The following NDST4 variants were observed in gnomAD, a reference collection of about 807,000 sequenced individuals.
NDST4 encodes N-heparan sulfate sulfotransferase 4.
A neutral mutation model predicts 100.8 loss-of-function variants in NDST4; 63 were observed. The ratio of observed to expected loss-of-function variants is 0.62; its 90% CI spans 0.51 to 0.77. NDST4 has a LOEUF of 0.77. Ranked by LOEUF, NDST4 falls within the 30% of genes least tolerant of loss-of-function variation. The probability of loss-of-function intolerance (pLI) is 0.00; values close to 1 mark genes in which losing one functional copy is unlikely to be tolerated. For synonymous variants in NDST4, 377 were observed against 361.8 expected, an observed-to-expected ratio of 1.04 and a Z score of -0.48; for missense variants, 943 against 1,018.4, an observed-to-expected ratio of 0.93 and a Z score of 1.01.
intron 6 of NDST4, among the ~76,000 whole-genome samples, chr4:114,908,704 G>C (rs1725002371): frequency 6.6e-6 from 1 of 152,150 alleles, no homozygotes; most frequent in African/African-American, 2.4e-5. Flanking sequence ...AAAAAATTGA[G>C]TAAAATCAAG....
At position 114,986,828 on chromosome 4, in the gene NDST4, A is replaced by ATT. The variant is rs1192536720; in HGVS notation, c.979-9555_979-9554insAA. ...TATATATATATATATATATATATATATATATTTTAATATACTATTCCTATA... is the reference window on the plus strand; with the variant it reads ...TATATATATATATATATATATATATATTTATATTTTAATATACTATTCCTATA... On this transcript the variant is annotated intron_variant, in intron 2 of 13. Transcript: ENST00000264363. Among the ~76,000 whole-genome samples, 339 of 112,850 alleles carry ATT rather than the reference A, an allele frequency of 3.0e-3. 9 individuals carry two copies. Among genetic ancestry groups the ATT allele is most frequent in the African/African-American group, 0.011 (316 of 28,094 alleles). The allele number at this position is 112,850 out of a possible 152,430, so 74.0% of individuals were successfully genotyped here. A position where few individuals can be genotyped will look rare whatever the true frequency, so the allele number is the denominator to read the frequency against.
At chr4:114,853,335 C>T (rs1159190624) in intron 7 of NDST4, among the ~76,000 whole-genome samples, 2 of 152,116 alleles carry the variant, frequency 1.3e-5, no homozygotes, top group Non-Finnish European at 2.9e-5. Flanking sequence ...AGTATCCAGC[C>T]TCTACCTCCC....
chr4:114,960,707 A>G (rs9998848), intron 4 of NDST4, among the ~76,000 whole-genome samples: 101,285 of 152,056 alleles, frequency 0.67, 33,799 homozygotes, highest in Non-Finnish European at 0.69. Flanking sequence ...GACTATAACA[A>G]GTGTAAATGC....
chr4:114,951,919 A>C (rs1486074136), intron 4 of NDST4, among the ~76,000 whole-genome samples: 1 of 152,164 alleles, frequency 6.6e-6, no homozygotes, highest in African/African-American at 2.4e-5. Context: ...GTTCTGAATA[A>C]GTGAAATAAT....
At chr4:114,983,503 T>G (rs1408739325) in intron 2 of NDST4, among the ~76,000 whole-genome samples, 2 of 152,220 alleles carry the variant, frequency 1.3e-5, no homozygotes, top group Non-Finnish European at 2.9e-5. Context: ...CCCCTTTTTT[T>G]TGGCCAAATT....
chr4:114,933,432 C>CTTTTTTTTTTTTT (rs367931653), intron 6 of NDST4, among the ~76,000 whole-genome samples: 1 of 89,276 alleles, frequency 1.1e-5, no homozygotes, highest in South Asian at 3.2e-4. Context: ...TTTTCTTTTC[C>CTTTTTTTTTTTTT]TTTTTTTTTT....
At chr4:114,886,131 T>C (rs1724472025) in intron 6 of NDST4, among the ~76,000 whole-genome samples, 1 of 152,124 alleles carries the variant, frequency 6.6e-6, no homozygotes, top group Admixed American at 6.6e-5. Context: ...TCTAATATAT[T>C]TATAATTTTT....
At chr4:114,985,466 A>G (rs745540045) in intron 2 of NDST4, among the ~76,000 whole-genome samples, 37 of 152,180 alleles carry the variant, frequency 2.4e-4, no homozygotes, top group Admixed American at 2.2e-3. Flanking sequence ...AGCTTTTACT[A>G]TGTGTTAGGT....
In NDST4 at chr4:114,893,553, G is replaced by C. The variant is rs138569422; in HGVS notation, c.1537-22603C>G. On this transcript the variant is annotated intron_variant, in intron 6 of 13. Transcript: ENST00000264363. The stretch of plus-strand genomic sequence containing the variant: ...CTGCATAAATGTCTTCTTTTGAGAA[G>C]TGTCTGTTCAGATCCTTTGTCCACT... Among the ~76,000 whole-genome samples, 883 of 151,344 alleles carry C rather than the reference G, an allele frequency of 5.8e-3. 9 individuals carry two copies. Among genetic ancestry groups the C allele is most frequent in the African/African-American group, 0.02 (825 of 41,368 alleles).
chr4:114,918,370 T>C (rs111761439), intron 6 of NDST4, among the ~76,000 whole-genome samples: 183 of 120,332 alleles, frequency 1.5e-3, no homozygotes, highest in African/African-American at 5.4e-3. Context: ...GGAAGAGGAA[T>C]ATCACACTCT....
At chr4:115,035,223 T>C (rs954147777) in intron 2 of NDST4, among the ~76,000 whole-genome samples, 1 of 152,148 alleles carries the variant, frequency 6.6e-6, no homozygotes, top group Non-Finnish European at 1.5e-5. Context: ...AAAAGACTTA[T>C]GCATTTCCGG....
chr4:115,017,393 T>C (rs1375856466), intron 2 of NDST4, among the ~76,000 whole-genome samples: 1 of 151,990 alleles, frequency 6.6e-6, no homozygotes, highest in African/African-American at 2.4e-5. Flanking sequence ...ACCAAACACA[T>C]TACCCAAATA....
In NDST4 at chr4:114,902,711, C is replaced by T. The variant is rs9784565; in HGVS notation, c.1537-31761G>A. Among the ~76,000 whole-genome samples the T allele has an allele frequency of 6.7e-3, 1,019 of 151,998 alleles. 11 individuals carry two copies. The highest frequency in any genetic ancestry group is 0.024 in the African/African-American group (977 of 41,506). On this transcript the variant is annotated intron_variant, in intron 6 of 13. Coordinates refer to ENST00000264363, the MANE Select transcript of NDST4 (RefSeq NM_022569.3). ...GATATTTTCATTAACCATGATTACACTTTTGGTATTTATTCCGTAGTTCTT... is the reference window on the plus strand; with the variant it reads ...GATATTTTCATTAACCATGATTACATTTTTGGTATTTATTCCGTAGTTCTT...
chr4:114,937,649 G>A (rs1008224445), intron 4 of NDST4, 146 bp from the exon 5 acceptor site: 7 of 621,442 alleles, frequency 1.1e-5, no homozygotes, highest in South Asian at 5.5e-5. Flanking sequence ...TTTTATCTTC[G>A]AGCAGCTCAT....
rs569784992 is a variant in NDST4, at chr4:115,097,994, T to C, written c.-247+15450A>G. Reference sequence around the variant, plus strand: ...TTCAAATGTAATATCCTCAGTATAGTTGTTTCCGGTTTCCCGGTGCAAAAT... The same window carrying C: ...TTCAAATGTAATATCCTCAGTATAGCTGTTTCCGGTTTCCCGGTGCAAAAT... On this transcript the variant is annotated intron_variant, in intron 1 of 13. Coordinates refer to ENST00000264363, the MANE Select transcript of NDST4 (RefSeq NM_022569.3). Among the ~76,000 whole-genome samples the C allele has an allele frequency of 2.0e-5, 3 of 152,298 alleles. No homozygotes were observed. In the East Asian group the frequency reaches 5.8e-4, roughly 29 times the overall value.
chr4:114,836,465 T>C (rs2126181914), intron 11 of NDST4, among the ~76,000 whole-genome samples: 1 of 152,340 alleles, frequency 6.6e-6, no homozygotes, highest in East Asian at 1.9e-4. Context: ...TTCTGGCTTG[T>C]AGGGGTTCTG....
chr4:114,946,323 C>T lies in NDST4; in HGVS notation c.1222-8820G>A, dbSNP rs566338892. Among the ~76,000 whole-genome samples the T allele has an allele frequency of 5.9e-5, 9 of 152,136 alleles. No individual in the cohort carries two copies. The South Asian group carries it at 1.7e-3, about 28-fold the overall frequency. On this transcript the variant is annotated intron_variant, in intron 4 of 13. Coordinates refer to ENST00000264363, the MANE Select transcript of NDST4 (RefSeq NM_022569.3). ...AAAATGCCTGCCTTCAGGGAGCTTA[C>T]ATTTTAGCAGAGTGAGTCCAAGGTC... is the stretch of plus-strand genomic sequence containing the variant.
intron 4 of NDST4, among the ~76,000 whole-genome samples, chr4:114,944,735 A>C (rs1578405115): frequency 6.6e-6 from 1 of 151,066 alleles, no homozygotes; most frequent in African/African-American, 2.4e-5. Context: ...GCCAGCATGC[A>C]TTGCAGTGCT....
Position 115,003,212 on chromosome 4 carries a change from G to A in NDST4, c.979-25938C>T, listed in dbSNP as rs537311867. On this transcript the variant is annotated intron_variant, in intron 2 of 13. Transcript: ENST00000264363. ...GTATAGCTATATAACAAACCTGCAC[G>A]TTCTGCATATGTATCCCAGAACTTA... Among the ~76,000 whole-genome samples the A allele has an allele frequency of 1.1e-4, 16 of 152,184 alleles. 1 individual carries two copies. In the South Asian group the frequency reaches 1.7e-3, roughly 16 times the overall value.
Sources: allele counts gnomAD v4.1 joint callset (sites outside exome capture counted in the v4.1 genomes callset), GRCh38; gene constraint gnomAD v4.1.1; transcripts MANE v1.5; gene names NCBI Gene and HGNC (gene_info 2026-07-23, HGNC 2026-07-21).